The following CREB5 variants were observed in gnomAD, a reference collection of about 807,000 sequenced individuals.
The protein encoded by CREB5 is cyclic AMP-responsive element-binding protein 5.
CREB5 carries 19 observed loss-of-function variants against 57.1 expected under a neutral mutation model. The observed-to-expected ratio is 0.33, with a 90% confidence interval of 0.23 to 0.49. The LOEUF (loss-of-function observed/expected upper bound fraction) is 0.49, where lower values mean the gene tolerates loss of function less well. Among genes scored for constraint, CREB5 ranks in the 20% least tolerant of loss-of-function variants. The pLI is 0.99. For missense variants in CREB5, 579 were observed against 671.6 expected (o/e 0.86, Z 1.52); for synonymous variants, 238 against 238.3 (o/e 1.00, Z 0.01).
intron 7 of CREB5, among the ~76,000 whole-genome samples, chr7:28,783,932 C>T (rs1361613314): frequency 6.6e-6 from 1 of 152,208 alleles, no homozygotes; most frequent in Non-Finnish European, 1.5e-5. Flanking sequence ...AGTGCCGATA[C>T]ACTGGCAGCC....
At chr7:28,417,419 A>G (rs868649601) in intron 1 of CREB5, among the ~76,000 whole-genome samples, 2 of 151,530 alleles carry the variant, frequency 1.3e-5, no homozygotes, top group Non-Finnish European at 2.9e-5. Flanking sequence ...ACATATCTCA[A>G]TTTGGACTAG....
At chr7:28,560,951 C>CGTGGTGT (rs1795208911) in intron 4 of CREB5, among the ~76,000 whole-genome samples, 1 of 38,950 alleles carries the variant, frequency 2.6e-5, no homozygotes, top group African/African-American at 8.2e-5. Context: ...CGTGTGTGTG[C>CGTGGTGT]GTGTGTGTGC....
intron 4 of CREB5, among the ~76,000 whole-genome samples, chr7:28,560,888 G>GCGTGCA (rs1795146607): frequency 2.8e-5 from 1 of 35,902 alleles, no homozygotes; most frequent in Non-Finnish European, 4.6e-5. Context: ...GCGTGCGTGC[G>GCGTGCA]TGTGTGTGCG....
intron 7 of CREB5, among the ~76,000 whole-genome samples, chr7:28,780,555 C>G (rs1806914856): frequency 6.6e-6 from 1 of 152,000 alleles, no homozygotes; most frequent in African/African-American, 2.4e-5. Context: ...AACCCTGTCT[C>G]TACAAAAAAT....
At chr7:28,361,220 C>T (rs1440192340) in intron 1 of CREB5, among the ~76,000 whole-genome samples, 1 of 152,202 alleles carries the variant, frequency 6.6e-6, no homozygotes, top group Non-Finnish European at 1.5e-5. Flanking sequence ...CAGTGCCTGG[C>T]ATATGTTGCG....
At chr7:28,579,909 T>C (rs1796055197) in intron 5 of CREB5, among the ~76,000 whole-genome samples, 4 of 152,230 alleles carry the variant, frequency 2.6e-5, no homozygotes, top group Admixed American at 2.0e-4. Context: ...CAGGGATCTC[T>C]GCTTAGCAAG....
chr7:28,628,635 G>A lies in CREB5; in HGVS notation c.464+58098G>A, dbSNP rs549228324. On this transcript the variant is annotated intron_variant, in intron 5 of 10. Transcript: ENST00000357727. ...GTGGGTGGCTGTCATGGAGATGAGG[G>A]GACATGCTGGCCAAGGGGTGGGCTC... is the stretch of plus-strand genomic sequence containing the variant. Among the ~76,000 whole-genome samples, 419 of 152,222 alleles carry A rather than the reference G, an allele frequency of 2.8e-3. 4 individuals carry two copies. The highest frequency in any genetic ancestry group is 4.9e-3 in the Non-Finnish European group (332 of 68,016).
At chr7:28,702,722 T>A (rs912372644) in intron 5 of CREB5, among the ~76,000 whole-genome samples, 2 of 152,194 alleles carry the variant, frequency 1.3e-5, no homozygotes, top group Non-Finnish European at 2.9e-5. Context: ...TAATATGTTA[T>A]TAGAAATAGC....
At chr7:28,497,336 A>G (rs1465248604) in intron 3 of CREB5, among the ~76,000 whole-genome samples, 1 of 152,228 alleles carries the variant, frequency 6.6e-6, no homozygotes, top group Non-Finnish European at 1.5e-5. Context: ...CAGCTTTGCA[A>G]TTGTTCTTAC....
intron 5 of CREB5, among the ~76,000 whole-genome samples, chr7:28,701,042 G>C (rs981977355): frequency 1.3e-5 from 2 of 151,800 alleles, no homozygotes; most frequent in African/African-American, 4.8e-5. Flanking sequence ...GGAGATTTGT[G>C]GGCACCTGCC....
intron 5 of CREB5, among the ~76,000 whole-genome samples, chr7:28,651,212 T>G (rs374018675): frequency 6.6e-6 from 1 of 152,126 alleles, no homozygotes; most frequent in African/African-American, 2.4e-5. Flanking sequence ...TTGAAAATCA[T>G]AGTAATGACT....
intron 9 of CREB5, among the ~76,000 whole-genome samples, chr7:28,817,652 C>T (rs1809515530): frequency 1.3e-5 from 2 of 152,120 alleles, no homozygotes; most frequent in Admixed American, 1.3e-4. Context: ...GTTCTGTTTC[C>T]CATCTATTAC....
At chr7:28,617,835 A>T (rs1320835639) in intron 5 of CREB5, among the ~76,000 whole-genome samples, 9 of 152,210 alleles carry the variant, frequency 5.9e-5, no homozygotes, top group Admixed American at 4.6e-4. Flanking sequence ...ACCAACAAAT[A>T]TTTATTCACA....
chr7:28,544,574 G>T (rs1207197387), intron 4 of CREB5, among the ~76,000 whole-genome samples: 1 of 151,922 alleles, frequency 6.6e-6, no homozygotes, highest in Non-Finnish European at 1.5e-5. Context: ...TTGCAATATG[G>T]TTTTTTTTAA....
intron 5 of CREB5, among the ~76,000 whole-genome samples, chr7:28,639,876 G>T (rs191679924): frequency 6.6e-6 from 1 of 152,130 alleles, no homozygotes; most frequent in South Asian, 2.1e-4. Flanking sequence ...TTCACAACTG[G>T]CTATGTTTGT....
intron 7 of CREB5, among the ~76,000 whole-genome samples, chr7:28,786,388 A>G (rs1312667262): frequency 2.0e-5 from 3 of 152,140 alleles, no homozygotes; most frequent in Admixed American, 6.5e-5. Context: ...CTCAGATTAC[A>G]GTCATGCACC....
chr7:28,486,364 T>C (rs528573014), intron 1 of CREB5, among the ~76,000 whole-genome samples: 10 of 152,042 alleles, frequency 6.6e-5, no homozygotes, highest in Middle Eastern at 6.8e-3. Flanking sequence ...GGTTGAAAGA[T>C]AGTGAAGCTT....
Position 28,635,557 on chromosome 7 carries a change from G to A in CREB5, c.464+65020G>A, listed in dbSNP as rs538093892. Among the ~76,000 whole-genome samples, 4 of 152,314 alleles carry A rather than the reference G, an allele frequency of 2.6e-5. No individual in the cohort carries two copies. The South Asian group carries it at 8.3e-4, about 32-fold the overall frequency. On this transcript the variant is annotated intron_variant, in intron 5 of 10. Transcript: ENST00000357727. The stretch of plus-strand genomic sequence containing the variant: ...GTTTACTAGAATGTCTGCCTCAGCT[G>A]ACAAGCTGCGGAATCAAAAGATGCT...
At chr7:28,739,671 G>A (rs1202250709) in intron 7 of CREB5, among the ~76,000 whole-genome samples, 2 of 152,196 alleles carry the variant, frequency 1.3e-5, no homozygotes, top group East Asian at 1.9e-4. Flanking sequence ...GTTAGTTCAA[G>A]TGTGAAGCAG....
Sources: gnomAD v4.1 joint callset for allele counts (sites outside exome capture counted in the v4.1 genomes callset) on GRCh38, gnomAD v4.1.1 for gene constraint, MANE v1.5 for transcripts, NCBI Gene and HGNC (gene_info 2026-07-23, HGNC 2026-07-21) for gene names.